NTRK3: variants seen among roughly 807,000 people sequenced by gnomAD.
The protein encoded by NTRK3 is neurotrophic receptor tyrosine kinase 3.
A neutral mutation model predicts 91.7 loss-of-function variants in NTRK3; 24 were observed. The ratio of observed to expected loss-of-function variants is 0.26; its 90% CI spans 0.19 to 0.37. The LOEUF is 0.37. Among genes scored for constraint, NTRK3 ranks in the 10% least tolerant of loss-of-function variants. The pLI is 1.00. For missense variants in NTRK3, 880 were observed against 1,068.9 expected (o/e 0.82, Z 2.46); for synonymous variants, 483 against 404.0 (o/e 1.20, Z -2.34).
chr15:87,918,984 A>G (rs2067657550), intron 17 of NTRK3, among the ~76,000 whole-genome samples: 1 of 152,210 alleles, frequency 6.6e-6, no homozygotes, highest in African/African-American at 2.4e-5. Flanking sequence ...CAGGAAAAAA[A>G]GCAGTAAAGC....
intron 14 of NTRK3, among the ~76,000 whole-genome samples, chr15:87,961,568 C>G (rs1003245311): frequency 3.3e-5 from 5 of 152,244 alleles, no homozygotes; most frequent in Admixed American, 6.5e-5. Context: ...ACAGCAGGAG[C>G]TGGGGTGGGA....
At chr15:88,110,886 T>G (rs2150970093) in intron 13 of NTRK3, among the ~76,000 whole-genome samples, 1 of 152,014 alleles carries the variant, frequency 6.6e-6, no homozygotes, top group South Asian at 2.1e-4. Flanking sequence ...GGGCACACAC[T>G]GAAGGGGCCA....
chr15:88,121,562 G>A (rs2114251), intron 13 of NTRK3, among the ~76,000 whole-genome samples: 15,458 of 152,198 alleles, frequency 0.1, 1,012 homozygotes, highest in South Asian at 0.16. Context: ...AGGATGCAAG[G>A]GTACACTCTA....
chr15:87,981,144 T>A (rs2074226177), intron 14 of NTRK3: 1 of 1,548,808 alleles, frequency 6.5e-7, no homozygotes, highest in African/African-American at 1.4e-5. Context: ...GGAGGCTTGA[T>A]GAGTCTTAAG....
At chr15:87,950,377 C>T (rs1323051401) in intron 14 of NTRK3, among the ~76,000 whole-genome samples, 1 of 152,162 alleles carries the variant, frequency 6.6e-6, no homozygotes, top group Non-Finnish European at 1.5e-5. Context: ...CAAGATAAAA[C>T]TGAGCTGCTT....
chr15:87,883,067 A>G (rs2065339239), intron 17 of NTRK3, among the ~76,000 whole-genome samples: 1 of 151,684 alleles, frequency 6.6e-6, no homozygotes, highest in South Asian at 2.1e-4. Context: ...ACTATACATA[A>G]AAGAAAAATA....
At chr15:87,958,339 G>A (rs2071889704) in intron 14 of NTRK3, among the ~76,000 whole-genome samples, 2 of 152,152 alleles carry the variant, frequency 1.3e-5, no homozygotes, top group Admixed American at 1.3e-4. Flanking sequence ...AGGACGGAAT[G>A]TCTATTCAGG....
chr15:88,047,283 A>T (rs1302818820), intron 13 of NTRK3, among the ~76,000 whole-genome samples: 1 of 152,168 alleles, frequency 6.6e-6, no homozygotes, highest in Non-Finnish European at 1.5e-5. Context: ...ATCTCACCAG[A>T]TAAAATATTT....
intron 17 of NTRK3, among the ~76,000 whole-genome samples, chr15:87,886,216 G>T (rs144789849): frequency 1.6e-4 from 24 of 152,130 alleles, no homozygotes; most frequent in African/African-American, 5.5e-4. Flanking sequence ...TGCCACTGGT[G>T]AGAAATGTTT....
intron 13 of NTRK3, among the ~76,000 whole-genome samples, chr15:88,063,557 T>A (rs1479387343): frequency 6.6e-6 from 1 of 152,224 alleles, no homozygotes; most frequent in Admixed American, 6.5e-5. Context: ...CTTAGCACTG[T>A]AGCTGGTCCT....
chr15:87,896,094 T>C lies in NTRK3; in HGVS notation c.2134-15666A>G, dbSNP rs185181646. Among the ~76,000 whole-genome samples the C allele has an allele frequency of 1.3e-3, 192 of 152,294 alleles. 2 individuals carry two copies. The highest frequency in any genetic ancestry group is 4.3e-3 in the African/African-American group (180 of 41,566). On this transcript the variant is annotated intron_variant, in intron 17 of 18. Coordinates refer to ENST00000394480, the Ensembl canonical transcript of NTRK3. ...AAAACCAAGAGGTACCCCGACCACA[T>C]TGGGCACATGTTCTCAGGACCTCAT...
At chr15:87,964,951 C>A (rs1242759666) in intron 14 of NTRK3, among the ~76,000 whole-genome samples, 1 of 152,142 alleles carries the variant, frequency 6.6e-6, no homozygotes, top group Non-Finnish European at 1.5e-5. Context: ...CATTTCTGTG[C>A]AAGTTTGTGT....
intron 5 of NTRK3, among the ~76,000 whole-genome samples, chr15:88,172,592 GA>G (rs1271274235): frequency 6.6e-6 from 1 of 152,182 alleles, no homozygotes; most frequent in Non-Finnish European, 1.5e-5. Flanking sequence ...GGATTCTAGA[GA>G]ACTGAGATAC....
chr15:87,957,325 A>G (rs1300285062), intron 14 of NTRK3, among the ~76,000 whole-genome samples: 1 of 152,206 alleles, frequency 6.6e-6, no homozygotes, highest in Non-Finnish European at 1.5e-5. Context: ...ATCACCAAGA[A>G]GTACATTATT....
intron 14 of NTRK3, among the ~76,000 whole-genome samples, chr15:87,973,035 G>C (rs184290818): frequency 1.3e-5 from 2 of 152,192 alleles, no homozygotes; most frequent in East Asian, 3.9e-4. Flanking sequence ...TGTCCCCCTC[G>C]TTTTTGTCAT....
intron 14 of NTRK3, among the ~76,000 whole-genome samples, chr15:88,004,543 G>A (rs1210966744): frequency 6.6e-6 from 1 of 152,172 alleles, no homozygotes; most frequent in Non-Finnish European, 1.5e-5. Context: ...CCAACATGTT[G>A]CCAAGCATCA....
intron 14 of NTRK3, among the ~76,000 whole-genome samples, chr15:88,023,323 A>G (rs2077746343): frequency 6.6e-6 from 1 of 152,188 alleles, no homozygotes; most frequent in South Asian, 2.1e-4. Flanking sequence ...CCCTCCCTCC[A>G]GAGACCTTGG....
intron 13 of NTRK3, among the ~76,000 whole-genome samples, chr15:88,066,445 C>G (rs1055874557): frequency 2.0e-5 from 3 of 152,346 alleles, no homozygotes; most frequent in Admixed American, 1.3e-4. Flanking sequence ...AATGGACACA[C>G]AGCCCTGCCT....
chr15:88,138,746 T>C (rs1430585379), intron 6 of NTRK3, among the ~76,000 whole-genome samples: 1 of 152,234 alleles, frequency 6.6e-6, no homozygotes, highest in African/African-American at 2.4e-5. Context: ...TTTGTCTTTC[T>C]AGAATTTATC....
Sources: gnomAD v4.1 joint callset for allele counts (sites outside exome capture counted in the v4.1 genomes callset) on GRCh38, gnomAD v4.1.1 for gene constraint, MANE v1.5 for transcripts, NCBI Gene and HGNC (gene_info 2026-07-23, HGNC 2026-07-21) for gene names.